The following SLC5A4 variants were observed in gnomAD, a reference collection of about 807,000 sequenced individuals.
SLC5A4 encodes probable glucose sensor protein SLC5A4.
SLC5A4 carries 55 observed loss-of-function variants against 70.3 expected under a neutral mutation model. That is an observed-to-expected ratio of 0.78 (90% confidence interval 0.63 to 0.98). The LOEUF is 0.98. SLC5A4 is among the 50% of genes least tolerant of loss of function. The pLI is 0.00. For synonymous variants in SLC5A4, 268 were observed against 305.7 expected, an observed-to-expected ratio of 0.88 and a Z score of 1.29; for missense variants, 735 against 839.2, an observed-to-expected ratio of 0.88 and a Z score of 1.53.
At chr22:32,236,464 A>G (rs746664922) in intron 7 of SLC5A4, among the ~76,000 whole-genome samples, 2 of 152,208 alleles carry the variant, frequency 1.3e-5, no homozygotes, top group African/African-American at 4.8e-5. Flanking sequence ...ATCCACTACA[A>G]TACATTGTTA....
At chr22:32,304,642 CTG>C in the SLC5A4 span, among the ~76,000 whole-genome samples, 4 of 152,276 alleles carry the variant, frequency 2.6e-5, no homozygotes, top group East Asian at 5.8e-4. Context: ...CCTTTAGCAG[CTG>C]TGTCTTTTTG....
chr22:32,294,290 T>C, the SLC5A4 span, among the ~76,000 whole-genome samples: 1 of 152,354 alleles, frequency 6.6e-6, no homozygotes, highest in South Asian at 2.1e-4. Flanking sequence ...GTGACATATC[T>C]TCAGGTTGAT....
intron 13 of SLC5A4, among the ~76,000 whole-genome samples, chr22:32,221,653 T>C (rs181480139): frequency 1.1e-4 from 16 of 152,366 alleles, no homozygotes; most frequent in Middle Eastern, 6.8e-3. Flanking sequence ...TGAAAATAAA[T>C]AGAATTGATG....
the SLC5A4 span, among the ~76,000 whole-genome samples, chr22:32,326,131 A>T: frequency 6.6e-6 from 1 of 152,350 alleles, no homozygotes; most frequent in Non-Finnish European, 1.5e-5. Flanking sequence ...TCCTGCAGAC[A>T]AAAGCAGAGG....
At chr22:32,308,477 C>A in the SLC5A4 span, among the ~76,000 whole-genome samples, 1 of 152,224 alleles carries the variant, frequency 6.6e-6, no homozygotes. Context: ...CAGTGTCAGG[C>A]TCAGCCACAC....
the SLC5A4 span, among the ~76,000 whole-genome samples, chr22:32,308,831 T>C: frequency 1.1e-4 from 16 of 152,160 alleles, no homozygotes; most frequent in African/African-American, 3.6e-4. Context: ...TGGGTGTGTG[T>C]GCACCCATGT....
the SLC5A4 span, chr22:32,272,351 C>T: frequency 1.2e-6 from 1 of 856,338 alleles, no homozygotes; most frequent in Non-Finnish European, 2.0e-6. Flanking sequence ...CTGGTGTCGG[C>T]CATCAGCCAG....
At chr22:32,324,439 C>T in the SLC5A4 span, among the ~76,000 whole-genome samples, 12 of 152,106 alleles carry the variant, frequency 7.9e-5, no homozygotes, top group East Asian at 1.9e-4. Context: ...GGACTCTTAC[C>T]GCTTTCAGTT....
chr22:32,333,670 C>A, the SLC5A4 span, among the ~76,000 whole-genome samples: 1 of 152,170 alleles, frequency 6.6e-6, no homozygotes, highest in East Asian at 1.9e-4. Context: ...CCTGGCCCGC[C>A]CCTGATGCTG....
intron 5 of SLC5A4, among the ~76,000 whole-genome samples, chr22:32,239,558 ATATATATATATT>A (rs1209979263): frequency 2.1e-3 from 53 of 24,950 alleles, no homozygotes; most frequent in Non-Finnish European, 3.0e-3. Flanking sequence ...ATATATATAT[ATATATATATATT>A]TATATATATA....
intron 5 of SLC5A4, among the ~76,000 whole-genome samples, chr22:32,242,748 G>T (rs549969886): frequency 6.6e-6 from 1 of 151,996 alleles, no homozygotes; most frequent in Non-Finnish European, 1.5e-5. Context: ...TAATAATATT[G>T]GTAAACCAAT....
At chr22:32,332,491 C>T in the SLC5A4 span, among the ~76,000 whole-genome samples, 2 of 152,352 alleles carry the variant, frequency 1.3e-5, no homozygotes, top group South Asian at 4.2e-4. Context: ...CCCCGAGAGG[C>T]AGGGCCAGGC....
chr22:32,330,793 TGG>T, the SLC5A4 span, among the ~76,000 whole-genome samples: 11 of 26,120 alleles, frequency 4.2e-4, no homozygotes, highest in East Asian at 1.4e-3. Flanking sequence ...GTGTGTGTGT[TGG>T]GGGCTCTGGT....
At chr22:32,336,962 C>T in the SLC5A4 span, among the ~76,000 whole-genome samples, 3 of 152,236 alleles carry the variant, frequency 2.0e-5, no homozygotes, top group Non-Finnish European at 4.4e-5. Flanking sequence ...TGCATCCATA[C>T]AATGAACACG....
At chr22:32,260,857 G>C in the SLC5A4 span, among the ~76,000 whole-genome samples, 1 of 152,328 alleles carries the variant, frequency 6.6e-6, no homozygotes, top group Middle Eastern at 3.4e-3. Flanking sequence ...TGGATAATCT[G>C]AAGTCAGGAG....
the SLC5A4 span, among the ~76,000 whole-genome samples, chr22:32,288,013 CTTTCT>C: frequency 7.9e-4 from 114 of 143,656 alleles, 2 homozygotes; most frequent in African/African-American, 7.1e-4. Context: ...CAATTTCTTT[CTTTCT>C]TTTTTTTTTT....
the SLC5A4 span, among the ~76,000 whole-genome samples, chr22:32,315,684 C>T: frequency 6.6e-6 from 1 of 150,470 alleles, no homozygotes; most frequent in African/African-American, 2.5e-5. Context: ...TGAAAACTGA[C>T]AACCCCCACA....
intron 13 of SLC5A4, among the ~76,000 whole-genome samples, chr22:32,222,079 A>G (rs933722293): frequency 2.6e-5 from 4 of 152,226 alleles, no homozygotes; most frequent in Non-Finnish European, 2.9e-5. Flanking sequence ...TTAAACCTTT[A>G]TAATCTATCA....
At chr22:32,340,242 G>C in the SLC5A4 span, among the ~76,000 whole-genome samples, 11 of 152,330 alleles carry the variant, frequency 7.2e-5, no homozygotes, top group Non-Finnish European at 1.3e-4. Flanking sequence ...GCTTAGCTCA[G>C]TGAGCCCTCA....
Sources: allele counts gnomAD v4.1 joint callset (sites outside exome capture counted in the v4.1 genomes callset), GRCh38; gene constraint gnomAD v4.1.1; transcripts MANE v1.5; gene names NCBI Gene and HGNC (gene_info 2026-07-23, HGNC 2026-07-21).